The following NPAS3 variants were observed in gnomAD, a reference collection of about 807,000 sequenced individuals.
NPAS3 encodes neuronal PAS domain protein 3.
NPAS3 carries 14 observed loss-of-function variants against 73.1 expected under a neutral mutation model. The observed-to-expected ratio is 0.19, with a 90% CI of 0.13 to 0.30. NPAS3 has a LOEUF of 0.30. Ranked by LOEUF, NPAS3 falls within the 10% of genes least tolerant of loss-of-function variation. NPAS3 has a pLI of 1.00. For missense variants in NPAS3, 1,096 were observed against 1,250.0 expected (o/e 0.88, Z 1.86); for synonymous variants, 620 against 541.5 (o/e 1.14, Z -2.01).
chr14:33,795,785 T>C (rs2063495323), intron 10 of NPAS3, among the ~76,000 whole-genome samples: 1 of 152,202 alleles, frequency 6.6e-6, no homozygotes, highest in Non-Finnish European at 1.5e-5. Context: ...ATACCATTGA[T>C]CTAGCCTAGG....
At chr14:33,021,622 AT>A (rs1425281694) in intron 1 of NPAS3, among the ~76,000 whole-genome samples, 2 of 151,764 alleles carry the variant, frequency 1.3e-5, no homozygotes, top group African/African-American at 2.4e-5. Flanking sequence ...AATCCCACCT[AT>A]TTTTCAAAGC....
chr14:33,243,444 C>T (rs1418511571), intron 3 of NPAS3, among the ~76,000 whole-genome samples: 3 of 152,050 alleles, frequency 2.0e-5, no homozygotes, highest in Non-Finnish European at 2.9e-5. Flanking sequence ...TAAAACATTG[C>T]TAGACCCCTC....
chr14:33,204,070 G>A (rs12884558), intron 2 of NPAS3, among the ~76,000 whole-genome samples: 36,438 of 152,056 alleles, frequency 0.24, 5,255 homozygotes, highest in Non-Finnish European at 0.34. Flanking sequence ...TCTGATGGCC[G>A]GTGATGATGA....
chr14:33,740,799 C>T (rs1334441757), intron 7 of NPAS3, among the ~76,000 whole-genome samples: 1 of 152,090 alleles, frequency 6.6e-6, no homozygotes, highest in Non-Finnish European at 1.5e-5. Flanking sequence ...CTGTGGTGAT[C>T]ACAATTTTTT....
chr14:32,988,517 T>C (rs1372457521), intron 1 of NPAS3, among the ~76,000 whole-genome samples: 1 of 152,166 alleles, frequency 6.6e-6, no homozygotes, highest in East Asian at 1.9e-4. Context: ...TCTAAAAACA[T>C]GTTTAGGATT....
At chr14:33,313,258 A>AGTTTC (rs2043077562) in intron 3 of NPAS3, among the ~76,000 whole-genome samples, 1 of 152,086 alleles carries the variant, frequency 6.6e-6, no homozygotes, top group Non-Finnish European at 1.5e-5. Context: ...AGAAACTCTG[A>AGTTTC]TCCAGAAACA....
chr14:33,735,114 C>A, intron 6 of NPAS3, 100 bp from the exon 7 acceptor site: 1 of 786,590 alleles, frequency 1.3e-6, no homozygotes, highest in Non-Finnish European at 2.3e-6. Context: ...ACCCATCAGT[C>A]ATTTATTTTT....
chr14:33,298,939 G>A (rs1287669658), intron 3 of NPAS3, among the ~76,000 whole-genome samples: 1 of 152,086 alleles, frequency 6.6e-6, no homozygotes, highest in Non-Finnish European at 1.5e-5. Context: ...GGACTGGGGG[G>A]CCTGTATTCA....
At chr14:33,613,244 C>A (rs986803316) in intron 5 of NPAS3, among the ~76,000 whole-genome samples, 3 of 152,120 alleles carry the variant, frequency 2.0e-5, no homozygotes, top group Non-Finnish European at 4.4e-5. Flanking sequence ...GAGGAGTTAC[C>A]CTGAGGCCAT....
At chr14:33,608,648 G>A (rs1477888459) in intron 5 of NPAS3, 1 of 152,116 alleles carries the variant, frequency 6.6e-6, no homozygotes, top group African/African-American at 2.4e-5. Flanking sequence ...TTCACGGTAA[G>A]CTTTTTTTTT....
At position 33,800,937 on chromosome 14, in the gene NPAS3, A is replaced by G; in HGVS notation, c.2630A>G (p.His877Arg). The G allele has an allele frequency of 6.2e-7, 1 of 1,607,392 alleles. No homozygotes were observed. Among genetic ancestry groups the G allele is most frequent in the Non-Finnish European group, 8.5e-7 (1 of 1,177,414 alleles). Residue 877 changes from histidine to arginine, a missense_variant, in exon 12 of 12, where the codon CAC (histidine) becomes CGC (arginine). By Grantham distance (29) the His-to-Arg change is conservative. Around this residue, in one of 5 missense-constraint regions of NPAS3, gnomAD observed 698 missense variants for 676.7 expected, o/e 1.03. Coordinates refer to ENST00000356141, the Ensembl canonical transcript of NPAS3. This position sits in a 1 kb window ranked among gnomAD's most constrained non-coding sequence, Gnocchi z 6.5. Reference sequence around the variant, plus strand: ...ATGGAGATGCTCTACCACCACGTGCACCGGCTCAACATGTCAGGACCGTTC... The same window carrying G: ...ATGGAGATGCTCTACCACCACGTGCGCCGGCTCAACATGTCAGGACCGTTC...
At chr14:32,948,226 C>G (rs1325372066) in intron 1 of NPAS3, among the ~76,000 whole-genome samples, 1 of 152,056 alleles carries the variant, frequency 6.6e-6, no homozygotes, top group Admixed American at 6.6e-5. Context: ...GCTGTTTCTT[C>G]TTTATACATA....
intron 2 of NPAS3, among the ~76,000 whole-genome samples, chr14:33,093,975 G>A (rs1188229539): frequency 6.6e-6 from 1 of 152,004 alleles, no homozygotes; most frequent in African/African-American, 2.4e-5. Context: ...GTTGTGGGGT[G>A]GGGGAAGGGG....
At chr14:33,163,991 G>A (rs1444745524) in intron 2 of NPAS3, among the ~76,000 whole-genome samples, 1 of 152,200 alleles carries the variant, frequency 6.6e-6, no homozygotes, top group East Asian at 1.9e-4. Context: ...GGAGCATTGG[G>A]AAGCTGGCAG....
At chr14:33,000,071 C>A (rs1009677703) in intron 1 of NPAS3, among the ~76,000 whole-genome samples, 1 of 152,160 alleles carries the variant, frequency 6.6e-6, no homozygotes, top group Non-Finnish European at 1.5e-5. Context: ...ATGGTAGCAC[C>A]ATGCCATATG....
intron 4 of NPAS3, among the ~76,000 whole-genome samples, chr14:33,391,960 T>G (rs1471880308): frequency 1.3e-5 from 2 of 152,218 alleles, no homozygotes; most frequent in African/African-American, 4.8e-5. Flanking sequence ...CCTTACTGAA[T>G]AAATATATTT....
At chr14:33,778,383 C>A in intron 8 of NPAS3, 83 bp from the exon 9 acceptor site, 2 of 970,012 alleles carry the variant, frequency 2.1e-6, no homozygotes, top group South Asian at 1.4e-5. Flanking sequence ...TGAAATGTGT[C>A]AGTAGAACTG....
At chr14:33,511,017 T>G (rs1219732951) in intron 4 of NPAS3, among the ~76,000 whole-genome samples, 1 of 152,116 alleles carries the variant, frequency 6.6e-6, no homozygotes, top group Admixed American at 6.5e-5. Flanking sequence ...GTGCTTGTGT[T>G]GTTTTAAGCT....
At chr14:32,945,489 G>A (rs1284435843) in intron 1 of NPAS3, among the ~76,000 whole-genome samples, 1 of 152,124 alleles carries the variant, frequency 6.6e-6, no homozygotes, top group African/African-American at 2.4e-5. Flanking sequence ...CCCCATTTAT[G>A]CATGAGAAAA....
Sources: gnomAD v4.1 joint callset for allele counts (sites outside exome capture counted in the v4.1 genomes callset) on GRCh38, gnomAD v4.1.1 for gene constraint, gnomAD v4.1.1 regional missense constraint, Gnocchi (gnomAD v3.1) non-coding constraint, MANE v1.5 for transcripts, NCBI Gene and HGNC (gene_info 2026-07-23, HGNC 2026-07-21) for gene names.